ATXN7L1: variants seen among roughly 807,000 people sequenced by gnomAD.
ATXN7L1 encodes ataxin 7 like 1.
A neutral mutation model predicts 70.8 loss-of-function variants in ATXN7L1; 15 were observed. The ratio of observed to expected loss-of-function variants is 0.21; its 90% CI spans 0.14 to 0.33. The LOEUF is 0.33. Among genes scored for constraint, ATXN7L1 ranks in the 10% least tolerant of loss-of-function variants. The pLI is 1.00. For missense variants in ATXN7L1, 975 were observed against 1,097.1 expected (o/e 0.89, Z 1.57); for synonymous variants, 440 against 445.1 (o/e 0.99, Z 0.14).
chr7:105,691,879 C>T lies in ATXN7L1; in HGVS notation c.356-26591G>A, dbSNP rs183446288. On this transcript the variant is annotated intron_variant, in intron 3 of 11. Transcript: ENST00000419735. Reference sequence around the variant, plus strand: ...TTTGACTACACGCACTTGTTAAACACGGAGTTTCAGGTCCTACCAGTTGGA... The same window carrying T: ...TTTGACTACACGCACTTGTTAAACATGGAGTTTCAGGTCCTACCAGTTGGA... Among the ~76,000 whole-genome samples the T allele has an allele frequency of 1.1e-4, 17 of 152,240 alleles. No individual in the cohort carries two copies. In the East Asian group the frequency reaches 1.3e-3, roughly 12 times the overall value.
At chr7:105,632,344 T>C (rs1208722992) in intron 7 of ATXN7L1, among the ~76,000 whole-genome samples, 1 of 152,170 alleles carries the variant, frequency 6.6e-6, no homozygotes, top group African/African-American at 2.4e-5. Flanking sequence ...AACCAGATCC[T>C]AAAAAATAGG....
chr7:105,731,748 A>AAAGAGAAAAGAAAAGAAAAGAAAAGAG (rs1554443661), intron 3 of ATXN7L1, among the ~76,000 whole-genome samples: 3 of 106,962 alleles, frequency 2.8e-5, no homozygotes, highest in Admixed American at 1.0e-4. Context: ...CTTACTCCTT[A>AAAGAGAAAAGAAAAGAAAAGAAAAGAG]AAAAGAAAAG....
chr7:105,865,697 G>T (rs1034492292), intron 2 of ATXN7L1, among the ~76,000 whole-genome samples: 1 of 152,072 alleles, frequency 6.6e-6, no homozygotes, highest in African/African-American at 2.4e-5. Flanking sequence ...CACTGCACCC[G>T]GGCCATTTTC....
chr7:105,687,496 C>T (rs947634922), intron 3 of ATXN7L1, among the ~76,000 whole-genome samples: 1 of 152,140 alleles, frequency 6.6e-6, no homozygotes, highest in African/African-American at 2.4e-5. Context: ...GGGTGGATCA[C>T]ATGAAGAGGC....
At chr7:105,852,568 C>T (rs757226355) in intron 2 of ATXN7L1, among the ~76,000 whole-genome samples, 2 of 152,076 alleles carry the variant, frequency 1.3e-5, no homozygotes, top group South Asian at 4.1e-4. Flanking sequence ...AGAGTGCCAG[C>T]TTGATCTGAC....
At chr7:105,822,267 T>A (rs2116567862) in intron 2 of ATXN7L1, among the ~76,000 whole-genome samples, 1 of 152,256 alleles carries the variant, frequency 6.6e-6, no homozygotes, top group Non-Finnish European at 1.5e-5. Context: ...CAAGACCCTG[T>A]CTCCAAAAAT....
intron 3 of ATXN7L1, among the ~76,000 whole-genome samples, chr7:105,680,615 A>T (rs1805410302): frequency 6.6e-6 from 1 of 151,974 alleles, no homozygotes. Flanking sequence ...TTGGCTGGAG[A>T]TTGTCTGTTC....
chr7:105,740,282 C>T (rs1183660845), intron 3 of ATXN7L1, among the ~76,000 whole-genome samples: 2 of 152,152 alleles, frequency 1.3e-5, no homozygotes, highest in African/African-American at 4.8e-5. Context: ...ACATGTGAAA[C>T]TACAACAAAG....
chr7:105,608,432 G>A (rs149588416), intron 11 of ATXN7L1, among the ~76,000 whole-genome samples: 14 of 152,280 alleles, frequency 9.2e-5, no homozygotes, highest in African/African-American at 2.4e-4. Flanking sequence ...GACACAGCAC[G>A]TAGCCCTCTC....
chr7:105,633,043 T>G (rs926095217), intron 7 of ATXN7L1, among the ~76,000 whole-genome samples: 4 of 151,214 alleles, frequency 2.6e-5, no homozygotes. Flanking sequence ...AGAAAAATAT[T>G]AAACTTCTTG....
intron 3 of ATXN7L1, among the ~76,000 whole-genome samples, chr7:105,722,899 AAATAAAATAAAAT>A (rs1795367265): frequency 6.8e-6 from 1 of 146,558 alleles, no homozygotes; most frequent in Non-Finnish European, 1.5e-5. Flanking sequence ...AAATAAAATA[AAATAAAATAAAAT>A]AATAAAATAA....
chr7:105,638,803 T>C lies in ATXN7L1; in HGVS notation c.946-194A>G, dbSNP rs536552974. On this transcript the variant is annotated intron_variant, in intron 6 of 11. Transcript: ENST00000419735. ...CGAACGCAACCATGCCCTACACTCC[T>C]GGTGTTAAGAAGCCAAAGCTTCCTC... 4.6e-5 allele frequency among the ~76,000 whole-genome samples: 7 copies of C among 152,234 alleles called. No individual in the cohort carries two copies. The South Asian group carries it at 1.5e-3, about 32-fold the overall frequency.
chr7:105,626,288 T>C (rs1795681143), intron 7 of ATXN7L1, among the ~76,000 whole-genome samples: 1 of 152,034 alleles, frequency 6.6e-6, no homozygotes, highest in African/African-American at 2.4e-5. Context: ...AAAGGACAAA[T>C]ATTGGATGAT....
chr7:105,813,360 G>A (rs1340778825), intron 2 of ATXN7L1, among the ~76,000 whole-genome samples: 5 of 133,000 alleles, frequency 3.8e-5, no homozygotes, highest in Non-Finnish European at 6.3e-5. Context: ...TTTTTGAGAC[G>A]GAGTTTTGCT....
chr7:105,860,029 C>T (rs977565509), intron 2 of ATXN7L1, among the ~76,000 whole-genome samples: 4 of 149,102 alleles, frequency 2.7e-5, no homozygotes, highest in Non-Finnish European at 4.5e-5. Context: ...GTAATCCACC[C>T]GCCTTGGCCT....
intron 3 of ATXN7L1, among the ~76,000 whole-genome samples, chr7:105,718,109 C>T (rs922257075): frequency 2.6e-5 from 4 of 152,030 alleles, no homozygotes; most frequent in African/African-American, 9.7e-5. Context: ...GTGTCAAAAC[C>T]TCTCCCCTTT....
chr7:105,665,164 G>A lies in ATXN7L1; in HGVS notation c.480C>T (p.Ser160=), dbSNP rs1802427333. Residue 160 remains serine (S), a synonymous_variant, in exon 4 of 12, where the codon AGC becomes AGT. Transcript: ENST00000419735. ...TGGGCGTTTTGAATGGCTTTGAGGT[G>A]CTGCTGGCAGAGTGATGGCCGCTGA... ...ACLSGHHSAS[S]TSKPFKTPKD... is the part of the protein sequence containing the mutation. 6.4e-7 allele frequency: 1 copy of A among 1,551,722 alleles called. No individual in the cohort carries two copies.
chr7:105,739,279 A>T (rs1411980851), intron 3 of ATXN7L1, among the ~76,000 whole-genome samples: 1 of 152,214 alleles, frequency 6.6e-6, no homozygotes, highest in African/African-American at 2.4e-5. Flanking sequence ...GGCAAAAACC[A>T]CAATTACGTT....
intron 7 of ATXN7L1, among the ~76,000 whole-genome samples, chr7:105,629,035 C>T (rs987312980): frequency 2.6e-5 from 4 of 151,856 alleles, no homozygotes; most frequent in African/African-American, 9.7e-5. Flanking sequence ...GTGGAGCAAT[C>T]ACTCACTGTA....
Sources: gnomAD v4.1 joint callset for allele counts (sites outside exome capture counted in the v4.1 genomes callset) on GRCh38, gnomAD v4.1.1 for gene constraint, MANE v1.5 for transcripts, NCBI Gene and HGNC (gene_info 2026-07-23, HGNC 2026-07-21) for gene names.